PRDM4: variants seen among roughly 807,000 people sequenced by gnomAD.
PRDM4 encodes PR domain zinc finger protein 4.
PRDM4 carries 38 observed loss-of-function variants against 62.3 expected under a neutral mutation model. The observed-to-expected ratio is 0.61, with a 90% CI of 0.47 to 0.80. The LOEUF (loss-of-function observed/expected upper bound fraction) is 0.80, where lower values mean the gene tolerates loss of function less well. PRDM4 is among the 30% of genes least tolerant of loss of function. PRDM4 has a pLI of 0.00. For synonymous variants in PRDM4, 339 were observed against 348.2 expected, an observed-to-expected ratio of 0.97 and a Z score of 0.30; for missense variants, 858 against 997.1, an observed-to-expected ratio of 0.86 and a Z score of 1.88.
chr12:107,743,402 G>A, intron 7 of PRDM4, 120 bp from the exon 8 acceptor site: 1 of 657,388 alleles, frequency 1.5e-6, no homozygotes, highest in Non-Finnish European at 2.7e-6. Context: ...CTTTCTTAGT[G>A]GGAAAATATA....
Position 107,742,346 on chromosome 12 carries a change from T to C in PRDM4, c.1484A>G (p.Asn495Ser), listed in dbSNP as rs771894556. ...NWMMFVRKAR[N>S]REEQNLVAYP... The stretch of plus-strand genomic sequence containing the variant: ...AGCCACCAAATTCTGCTCTTCCCGG[T>C]TCCTGAGTTATCACATTTAATAGAT... Residue 495 changes from asparagine (N) to serine (S), a missense_variant and splice_region_variant, in exon 9 of 12, where the codon AAC (asparagine) becomes AGC (serine). Physicochemically the swap from Asn to Ser is conservative, Grantham distance 46. Around this residue, in one of 3 missense-constraint regions of PRDM4, gnomAD observed 355 missense variants for 432.6 expected, o/e 0.82. Coordinates refer to ENST00000228437, the MANE Select transcript of PRDM4 (RefSeq NM_012406.4). 1 of 1,613,618 alleles carries C rather than the reference T, an allele frequency of 6.2e-7. No individual in the cohort carries two copies.
At chr12:107,744,043 G>A (rs1370341154) in intron 7 of PRDM4, among the ~76,000 whole-genome samples, 1 of 152,042 alleles carries the variant, frequency 6.6e-6, no homozygotes, top group Non-Finnish European at 1.5e-5. Context: ...GAGCCCAGGA[G>A]GTAGAGGTGG....
In PRDM4 at chr12:107,735,856, G is replaced by A. The variant is rs139094835; in HGVS notation, c.2094-1334C>T. On this transcript the variant is annotated intron_variant, in intron 11 of 11. Coordinates refer to ENST00000228437, the MANE Select transcript of PRDM4 (RefSeq NM_012406.4). Reference sequence around the variant, plus strand: ...TTATTAATAAAATCCTGGAAGGAGTGAGAGGGTGCAGTCGGGCGTTCTGAA... The same window carrying A: ...TTATTAATAAAATCCTGGAAGGAGTAAGAGGGTGCAGTCGGGCGTTCTGAA... Among the ~76,000 whole-genome samples the A allele has an allele frequency of 4.8e-3, 735 of 151,752 alleles. 4 individuals carry two copies. Among genetic ancestry groups the A allele is most frequent in the Non-Finnish European group, 8.2e-3 (559 of 67,972 alleles).
chr12:107,756,935 C>T lies in PRDM4; in HGVS notation c.42G>A (p.Gly14=). 2 of 1,614,172 alleles carry T rather than the reference C, an allele frequency of 1.2e-6. No homozygotes were observed. The highest frequency in any genetic ancestry group is 8.5e-7 in the Non-Finnish European group (1 of 1,180,028). The change falls in exon 3 of 12, where the codon GGG becomes GGA. Residue 14 remains glycine, a synonymous_variant. Transcript: ENST00000228437. ...CAGAGGATGAAGTCAGCTGCTCCAT[C>T]CCCACTGGACTCAGGTTCATTTCAT... ...RMNEMNLSPV[G]MEQLTSSSVS... is the part of the protein sequence containing the mutation.
At chr12:107,743,062 TG>T in intron 8 of PRDM4, 134 bp downstream of exon 8, 1 of 702,172 alleles carries the variant, frequency 1.4e-6, no homozygotes, top group Non-Finnish European at 2.4e-6. Context: ...CCACCATGCC[TG>T]GCTGCCTTGG....
chr12:107,749,434 A>C (rs927998198), intron 5 of PRDM4, among the ~76,000 whole-genome samples: 1 of 133,116 alleles, frequency 7.5e-6, no homozygotes, highest in Non-Finnish European at 1.6e-5. Flanking sequence ...GGGTTTCACT[A>C]TGCTGCCCAG....
At chr12:107,735,828 A>G (rs1382986811) in intron 11 of PRDM4, among the ~76,000 whole-genome samples, 7 of 151,232 alleles carry the variant, frequency 4.6e-5, no homozygotes, top group African/African-American at 1.7e-4. Context: ...CAGTTAAAGC[A>G]GGTTATTAAT....
intron 11 of PRDM4, 97 bp downstream of exon 11, chr12:107,739,286 G>A: frequency 7.3e-7 from 1 of 1,360,868 alleles, no homozygotes; most frequent in South Asian, 1.4e-5. Flanking sequence ...TGAAACAGAT[G>A]AGCCAGGACT....
In PRDM4 at chr12:107,740,987, C is replaced by T. The variant is rs1456507405; in HGVS notation, c.1883G>A (p.Ser628Asn). 1 of 1,614,204 alleles carries T rather than the reference C, an allele frequency of 6.2e-7. No homozygotes were observed. Among genetic ancestry groups the T allele is most frequent in the South Asian group, 1.1e-5 (1 of 91,080 alleles). ...HKCDFCSKAF[S>N]DPSNLRTHLK... is the part of the protein sequence containing the mutation. ...GTGGGTCCGCAGGTTGCTGGGATCA[C>T]TAAAAGCCTTGCTACAGAAATCACA... Residue 628 changes from serine to asparagine, a missense_variant, in exon 10 of 12, where the codon AGT becomes AAT. Around this residue, in one of 3 missense-constraint regions of PRDM4, gnomAD observed 355 missense variants for 432.6 expected, o/e 0.82. Transcript: ENST00000228437.
In PRDM4 at chr12:107,734,325, T is replaced by A. The variant is rs907032492; in HGVS notation, c.2291A>T (p.Glu764Val). 7 of 1,614,214 alleles carry A rather than the reference T, an allele frequency of 4.3e-6. No homozygotes were observed. Among genetic ancestry groups the A allele is most frequent in the Non-Finnish European group, 5.9e-6 (7 of 1,180,028 alleles). Residue 764 changes from glutamate to valine, a missense_variant, in exon 12 of 12, where the codon GAG (glutamate) becomes GTG (valine). Transcript: ENST00000228437. ...CTCTTCTGAGTCATCCTCTTCTTCCTCCTCTGGTGCTGACGAACTGGAGGT... is the reference window on the plus strand; with the variant it reads ...CTCTTCTGAGTCATCCTCTTCTTCCACCTCTGGTGCTGACGAACTGGAGGT... ...GPTSSSSAPE[E>V]EEEDDSEEED...
intron 5 of PRDM4, among the ~76,000 whole-genome samples, chr12:107,747,036 G>C (rs1310507827): frequency 3.3e-5 from 5 of 152,004 alleles, no homozygotes; most frequent in Non-Finnish European, 7.4e-5. Context: ...AAACCCAGCA[G>C]TTTGGGAGGC....
chr12:107,736,736 C>T (rs1229030176), intron 11 of PRDM4: 1 of 152,260 alleles, frequency 6.6e-6, no homozygotes, highest in African/African-American at 2.4e-5. Flanking sequence ...TGAGGAGAAA[C>T]AGCAAGTAGT....
chr12:107,744,738 T>C (rs185851951), intron 6 of PRDM4, 77 bp from the exon 7 acceptor site: 1 of 1,558,690 alleles, frequency 6.4e-7, no homozygotes, highest in Non-Finnish European at 8.8e-7. Context: ...GCTTCACCCA[T>C]GCAAAGAATC....
At chr12:107,734,622 T>C (rs1227417453) in intron 11 of PRDM4, 100 bp from the exon 12 acceptor site, 7 of 1,138,722 alleles carry the variant, frequency 6.1e-6, no homozygotes, top group Non-Finnish European at 8.8e-6. Flanking sequence ...AGAGCAGCTC[T>C]ATCCTTCTGA....
chr12:107,755,813 G>A (rs1366509795), intron 3 of PRDM4, among the ~76,000 whole-genome samples: 3 of 152,144 alleles, frequency 2.0e-5, no homozygotes, highest in African/African-American at 7.2e-5. Flanking sequence ...CGGCTGGCGC[G>A]GTGGCTCACA....
chr12:107,743,375 T>C (rs1890582296), intron 7 of PRDM4, 93 bp from the exon 8 acceptor site: 2 of 853,626 alleles, frequency 2.3e-6, no homozygotes, highest in Admixed American at 1.9e-5. Flanking sequence ...CATTTACTCA[T>C]TTGCAGTAGG....
Position 107,752,111 on chromosome 12 carries a change from G to C in PRDM4, c.430C>G (p.Pro144Ala). The C allele has an allele frequency of 3.7e-6, 6 of 1,607,066 alleles. No individual in the cohort carries two copies. Among genetic ancestry groups the C allele is most frequent in the Non-Finnish European group, 4.3e-6 (5 of 1,173,662 alleles). Reference protein sequence around the residue: ...GNTALSITNNPSALDPYQSNG... With the variant: ...GNTALSITNNASALDPYQSNG... The stretch of plus-strand genomic sequence containing the variant: ...GACTGATAGGGATCTAGTGCTGAAG[G>C]GTTATTGGTGATAGATAATGCTGTA... Residue 144 changes from proline (P) to alanine (A), a missense_variant, in exon 5 of 12, where the codon CCT becomes GCT. Coordinates refer to ENST00000228437, the MANE Select transcript of PRDM4 (RefSeq NM_012406.4).
At chr12:107,756,725 C>T in intron 3 of PRDM4, 107 bp downstream of exon 3, 1 of 1,346,090 alleles carries the variant, frequency 7.4e-7, no homozygotes, top group Non-Finnish European at 1.0e-6. Context: ...CTTACCTTCT[C>T]CCTTCTACCT....
At chr12:107,752,374 G>C (rs1443173917) in intron 4 of PRDM4, among the ~76,000 whole-genome samples, 165 bp from the exon 5 acceptor site, 1 of 151,946 alleles carries the variant, frequency 6.6e-6, no homozygotes, top group Non-Finnish European at 1.5e-5. Flanking sequence ...TACATATACC[G>C]TAATTGAGTT....
Sources: allele counts gnomAD v4.1 joint callset (sites outside exome capture counted in the v4.1 genomes callset), GRCh38; gene constraint gnomAD v4.1.1; regional missense constraint gnomAD v4.1.1; transcripts MANE v1.5; gene names NCBI Gene and HGNC (gene_info 2026-07-23, HGNC 2026-07-21).